The following NR3C2 variants were observed in gnomAD, a reference collection of about 807,000 sequenced individuals.
NR3C2 encodes mineralocorticoid receptor.
NR3C2 carries 15 observed loss-of-function variants against 86.4 expected under a neutral mutation model. The ratio of observed to expected loss-of-function variants is 0.17; its 90% CI spans 0.12 to 0.27. The LOEUF (loss-of-function observed/expected upper bound fraction) is 0.27. Ranked by LOEUF, NR3C2 falls within the 10% of genes least tolerant of loss-of-function variation. The probability of loss-of-function intolerance (pLI) is 1.00; values close to 1 mark genes in which losing one functional copy is unlikely to be tolerated. For missense variants in NR3C2, 960 were observed against 1,195.6 expected (o/e 0.80, Z 2.91); for synonymous variants, 458 against 450.5 (o/e 1.02, Z -0.21).
chr4:148,418,665 A>C (rs1749125172), intron 2 of NR3C2, among the ~76,000 whole-genome samples: 1 of 152,164 alleles, frequency 6.6e-6, no homozygotes, highest in Non-Finnish European at 1.5e-5. Flanking sequence ...TTCAATTTTA[A>C]TTGAAACTAA....
At chr4:148,238,140 C>T (rs1738836833) in intron 3 of NR3C2, among the ~76,000 whole-genome samples, 2 of 152,182 alleles carry the variant, frequency 1.3e-5, no homozygotes, top group African/African-American at 2.4e-5. Context: ...CAGGCATCCT[C>T]GCTTAAGAAG....
intron 3 of NR3C2, among the ~76,000 whole-genome samples, chr4:148,212,884 T>C (rs1737348905): frequency 6.6e-6 from 1 of 152,190 alleles, no homozygotes; most frequent in Admixed American, 6.5e-5. Context: ...AGATGAAGGT[T>C]CGTAATAAAA....
Position 148,314,984 on chromosome 4 carries a change from A to C in NR3C2, c.1758-54867T>G, listed in dbSNP as rs764208818. 7.8e-4 allele frequency among the ~76,000 whole-genome samples: 119 copies of C among 152,214 alleles called. 1 individual carries two copies. Among genetic ancestry groups the C allele is most frequent in the Non-Finnish European group, 2.2e-4 (15 of 68,046 alleles). On this transcript the variant is annotated intron_variant, in intron 2 of 8. Coordinates refer to ENST00000358102, the MANE Select transcript of NR3C2 (RefSeq NM_000901.5). Reference sequence around the variant, plus strand: ...TACAATAAATGACATGTATTTTTAAAGTCAAACACTCTTATTTATAATTCA... The same window carrying C: ...TACAATAAATGACATGTATTTTTAACGTCAAACACTCTTATTTATAATTCA...
intron 4 of NR3C2, among the ~76,000 whole-genome samples, chr4:148,187,004 A>G (rs1325510633): frequency 9.8e-4 from 27 of 27,566 alleles, no homozygotes; most frequent in South Asian, 2.7e-3. Context: ...ATGTATATAT[A>G]TATATATATA....
At chr4:148,350,166 T>C (rs1339744611) in intron 2 of NR3C2, among the ~76,000 whole-genome samples, 1 of 152,140 alleles carries the variant, frequency 6.6e-6, no homozygotes, top group African/African-American at 2.4e-5. Flanking sequence ...GATGAGAATA[T>C]TGAGGTTGAG....
intron 2 of NR3C2, among the ~76,000 whole-genome samples, chr4:148,263,151 C>T (rs1385228687): frequency 1.3e-5 from 2 of 152,188 alleles, no homozygotes; most frequent in Non-Finnish European, 2.9e-5. Flanking sequence ...TCAAACAGCT[C>T]GCTTGGTGAA....
intron 2 of NR3C2, among the ~76,000 whole-genome samples, chr4:148,405,427 C>G (rs1748370153): frequency 6.6e-6 from 1 of 152,206 alleles, no homozygotes; most frequent in South Asian, 2.1e-4. Context: ...ACCACATCAC[C>G]TCTTGTTATA....
intron 6 of NR3C2, among the ~76,000 whole-genome samples, chr4:148,149,195 T>C (rs1398270835): frequency 6.6e-6 from 1 of 152,224 alleles, no homozygotes; most frequent in Non-Finnish European, 1.5e-5. Flanking sequence ...GTCAAAAGTT[T>C]TAAGAACAGA....
intron 6 of NR3C2, among the ~76,000 whole-genome samples, chr4:148,149,553 T>G (rs1254381493): frequency 6.6e-6 from 1 of 152,128 alleles, no homozygotes; most frequent in Non-Finnish European, 1.5e-5. Flanking sequence ...AAAGAAGAGA[T>G]TTTGACTTCA....
intron 3 of NR3C2, among the ~76,000 whole-genome samples, chr4:148,210,980 A>T (rs930982487): frequency 3.3e-5 from 5 of 152,226 alleles, no homozygotes; most frequent in African/African-American, 1.2e-4. Flanking sequence ...TGGTTGACGA[A>T]AAGATATAAA....
chr4:148,081,428 G>C lies in NR3C2; in HGVS notation c.2871C>G (p.Pro957=). ...CGCTGATGATCTCCACCAGCATTGCGGGGAACTCTACCTTCAGCGCATGGG... is the reference window on the plus strand; with the variant it reads ...CGCTGATGATCTCCACCAGCATTGCCGGGAACTCTACCTTCAGCGCATGGG... ...RESHALKVEF[P]AMLVEIISDQ... is the part of the protein sequence containing the mutation. Residue 957 remains proline (P), a synonymous_variant, in exon 9 of 9, where the codon CCC becomes CCG. Transcript: ENST00000358102. 1.2e-6 allele frequency: 2 copies of C among 1,614,102 alleles called. No homozygotes were observed. The highest frequency in any genetic ancestry group is 1.7e-6 in the Non-Finnish European group (2 of 1,180,008).
chr4:148,394,386 A>G (rs1414885680), intron 2 of NR3C2, among the ~76,000 whole-genome samples: 2 of 152,006 alleles, frequency 1.3e-5, no homozygotes, highest in Admixed American at 6.6e-5. Flanking sequence ...AAAAAAAAAC[A>G]AAAAACAAAA....
intron 2 of NR3C2, among the ~76,000 whole-genome samples, chr4:148,262,457 T>A (rs2149874790): frequency 6.6e-6 from 1 of 152,288 alleles, no homozygotes; most frequent in East Asian, 1.9e-4. Flanking sequence ...CACTTGGGTG[T>A]CTAACACGCA....
intron 2 of NR3C2, among the ~76,000 whole-genome samples, chr4:148,294,239 C>T (rs1311048988): frequency 6.6e-6 from 1 of 152,146 alleles, no homozygotes; most frequent in Non-Finnish European, 1.5e-5. Context: ...AGTACTTGCT[C>T]ATGGTTGTTT....
At position 148,227,241 on chromosome 4, in the gene NR3C2, C is replaced by T. The variant is rs143352900; in HGVS notation, c.1898-32379G>A. 2.2e-4 allele frequency among the ~76,000 whole-genome samples: 34 copies of T among 152,174 alleles called. No individual in the cohort carries two copies. The East Asian group carries it at 4.2e-3, about 19-fold the overall frequency. On this transcript the variant is annotated intron_variant, in intron 3 of 8. Transcript: ENST00000358102. ...TTTGAAAAATACTGGCCCGTCATTCCGTAGAATGTTTTTGAGTTTGAATTG... is the reference window on the plus strand; with the variant it reads ...TTTGAAAAATACTGGCCCGTCATTCTGTAGAATGTTTTTGAGTTTGAATTG...
chr4:148,332,074 A>G (rs1281693459), intron 2 of NR3C2, among the ~76,000 whole-genome samples: 2 of 152,246 alleles, frequency 1.3e-5, no homozygotes, highest in Admixed American at 6.5e-5. Context: ...AAACTTGAAA[A>G]TAGTATTAAT....
intron 2 of NR3C2, among the ~76,000 whole-genome samples, chr4:148,361,874 A>G (rs111971509): frequency 0.011 from 1,746 of 152,224 alleles, 29 homozygotes; most frequent in African/African-American, 0.04. Flanking sequence ...TTTCACTCCT[A>G]TCACCAAGGC....
chr4:148,409,790 C>T (rs983623771), intron 2 of NR3C2, among the ~76,000 whole-genome samples: 2 of 152,074 alleles, frequency 1.3e-5, no homozygotes, highest in Non-Finnish European at 2.9e-5. Context: ...GGTACAATGT[C>T]CCAAAGTAGG....
chr4:148,198,819 G>A lies in NR3C2; in HGVS notation c.1898-3957C>T, dbSNP rs1349373329. 4.0e-5 allele frequency among the ~76,000 whole-genome samples: 6 copies of A among 151,884 alleles called. 1 individual carries two copies. Among genetic ancestry groups the A allele is most frequent in the Non-Finnish European group, 5.9e-5 (4 of 67,936 alleles). ...AATGGGGCCAGGTGCGGTGGCTCAC[G>A]CCTGTAATCCCAGCACTTTGGGAGG... On this transcript the variant is annotated intron_variant, in intron 3 of 8. Coordinates refer to ENST00000358102, the MANE Select transcript of NR3C2 (RefSeq NM_000901.5).
Sources: allele counts gnomAD v4.1 joint callset (sites outside exome capture counted in the v4.1 genomes callset), GRCh38; gene constraint gnomAD v4.1.1; transcripts MANE v1.5; gene names NCBI Gene and HGNC (gene_info 2026-07-23, HGNC 2026-07-21).